The following CADM2 variants were observed in gnomAD, a reference collection of about 807,000 sequenced individuals.
The protein encoded by CADM2 is immunoglobulin superfamily member 4D.
A neutral mutation model predicts 49.8 loss-of-function variants in CADM2; 12 were observed. That is an observed-to-expected ratio of 0.24 (90% CI 0.15 to 0.39). The LOEUF is 0.39. Among genes scored for constraint, CADM2 ranks in the 10% least tolerant of loss-of-function variants. The probability of loss-of-function intolerance (pLI) is 1.00; values close to 1 mark genes in which losing one functional copy is unlikely to be tolerated. For missense variants in CADM2, 378 were observed against 492.3 expected, an observed-to-expected ratio of 0.77 and a Z score of 2.20; for synonymous variants, 214 against 175.4, an observed-to-expected ratio of 1.22 and a Z score of -1.74.
At chr3:86,007,943 C>A (rs1730990995) in intron 8 of CADM2, among the ~76,000 whole-genome samples, 1 of 151,910 alleles carries the variant, frequency 6.6e-6, no homozygotes, top group Non-Finnish European at 1.5e-5. Context: ...TAATCTCAAA[C>A]AGATCAAAAT....
chr3:85,319,156 A>T (rs996294183), intron 1 of CADM2, among the ~76,000 whole-genome samples: 3 of 152,222 alleles, frequency 2.0e-5, no homozygotes, highest in Non-Finnish European at 2.9e-5. Flanking sequence ...TAATAAATCA[A>T]TGCTAACTGT....
At chr3:85,676,841 G>C (rs1034144805) in intron 1 of CADM2, among the ~76,000 whole-genome samples, 1 of 151,840 alleles carries the variant, frequency 6.6e-6, no homozygotes, top group Non-Finnish European at 1.5e-5. Flanking sequence ...CACCACCATC[G>C]CCTCAACACA....
intron 1 of CADM2, among the ~76,000 whole-genome samples, chr3:85,055,769 G>A (rs2036057173): frequency 6.6e-6 from 1 of 151,978 alleles, no homozygotes; most frequent in Admixed American, 6.6e-5. Context: ...TAGCTGGAGT[G>A]AGACTCATGG....
intron 1 of CADM2, among the ~76,000 whole-genome samples, chr3:85,130,985 C>A (rs190317010): frequency 1.3e-5 from 2 of 152,178 alleles, no homozygotes; most frequent in African/African-American, 4.8e-5. Context: ...GAGTTCAAGA[C>A]CAGCCTGGCC....
At chr3:86,013,253 G>A in intron 8 of CADM2, 1 of 1,478,786 alleles carries the variant, frequency 6.8e-7, no homozygotes, top group Non-Finnish European at 9.4e-7. Context: ...GCAATGCTCA[G>A]AACCCCAGTG....
chr3:85,201,245 C>T (rs2041492954), intron 1 of CADM2, among the ~76,000 whole-genome samples: 1 of 152,024 alleles, frequency 6.6e-6, no homozygotes, highest in South Asian at 2.1e-4. Flanking sequence ...GAATATATCA[C>T]AAAAAAGCAT....
chr3:85,414,355 G>GA (rs1559827938), intron 1 of CADM2, among the ~76,000 whole-genome samples: 2 of 152,018 alleles, frequency 1.3e-5, no homozygotes, highest in African/African-American at 2.4e-5. Flanking sequence ...TCATAAGGAA[G>GA]AAAAAAATAA....
At chr3:85,145,976 A>T (rs1300928173) in intron 1 of CADM2, among the ~76,000 whole-genome samples, 1 of 152,204 alleles carries the variant, frequency 6.6e-6, no homozygotes, top group Non-Finnish European at 1.5e-5. Flanking sequence ...TTAAGGAGAG[A>T]CAATAAAGAC....
intron 1 of CADM2, among the ~76,000 whole-genome samples, chr3:85,285,866 A>G (rs1372221395): frequency 1.3e-5 from 2 of 151,986 alleles, no homozygotes; most frequent in African/African-American, 4.8e-5. Context: ...CTATGTAGTG[A>G]CTTGTATGAA....
chr3:85,642,409 T>C (rs1251326269), intron 1 of CADM2, among the ~76,000 whole-genome samples: 1 of 151,864 alleles, frequency 6.6e-6, no homozygotes, highest in Non-Finnish European at 1.5e-5. Flanking sequence ...AATAATACAA[T>C]GAAAAACTAA....
intron 1 of CADM2, among the ~76,000 whole-genome samples, chr3:85,580,681 G>T (rs575186169): frequency 2.9e-4 from 44 of 151,884 alleles, no homozygotes; most frequent in African/African-American, 9.7e-4. Context: ...CTGATAAATG[G>T]GAATTTGTCA....
chr3:85,494,831 G>A (rs2039821161), intron 1 of CADM2, among the ~76,000 whole-genome samples: 1 of 152,256 alleles, frequency 6.6e-6, no homozygotes, highest in Admixed American at 6.5e-5. Flanking sequence ...GGTGGCCCTA[G>A]GGAAAATGCA....
At chr3:85,407,417 C>A (rs116632450) in intron 1 of CADM2, among the ~76,000 whole-genome samples, 2,957 of 152,142 alleles carry the variant, frequency 0.019, 80 homozygotes, top group African/African-American at 0.066. Flanking sequence ...TACCTCGTTT[C>A]TTTTCTCTCA....
At chr3:86,017,593 GT>G (rs1732449279) in intron 8 of CADM2, among the ~76,000 whole-genome samples, 2 of 151,816 alleles carry the variant, frequency 1.3e-5, no homozygotes, top group Non-Finnish European at 2.9e-5. Context: ...GCCGGGCACA[GT>G]AGCATACACG....
At chr3:85,431,699 G>T (rs2036673212) in intron 1 of CADM2, among the ~76,000 whole-genome samples, 1 of 150,996 alleles carries the variant, frequency 6.6e-6, no homozygotes, top group African/African-American at 2.4e-5. Flanking sequence ...ATCCCTAAGT[G>T]CAGGAAGTTA....
rs143376302 is a variant in CADM2, at chr3:85,211,394, A to T, written c.61+251726A>T. On this transcript the variant is annotated intron_variant, in intron 1 of 9. Coordinates refer to ENST00000383699, the MANE Select transcript of CADM2 (RefSeq NM_001167675.2). Reference sequence around the variant, plus strand: ...TTAAGATGTATCATTAGGTTATTTGAAGTTTTTCTATTTTTTTATGTAGGC... The same window carrying T: ...TTAAGATGTATCATTAGGTTATTTGTAGTTTTTCTATTTTTTTATGTAGGC... Among the ~76,000 whole-genome samples the T allele has an allele frequency of 1.2e-3, 185 of 151,624 alleles. 11 individuals carry two copies. In the East Asian group the frequency reaches 0.035, roughly 29 times the overall value.
intron 5 of CADM2, among the ~76,000 whole-genome samples, chr3:85,898,309 AAT>A (rs1715552040): frequency 6.6e-6 from 1 of 152,108 alleles, no homozygotes; most frequent in African/African-American, 2.4e-5. Flanking sequence ...GACAAAAATC[AAT>A]ATATAGATAT....
intron 8 of CADM2, among the ~76,000 whole-genome samples, chr3:86,039,897 C>A (rs936090648): frequency 4.6e-5 from 7 of 152,154 alleles, no homozygotes; most frequent in African/African-American, 1.7e-4. Flanking sequence ...TCCAGAGGAA[C>A]GATCAGGCAG....
At position 85,551,629 on chromosome 3, in the gene CADM2, C is replaced by G. The variant is rs570125712; in HGVS notation, c.62-174893C>G. Among the ~76,000 whole-genome samples the G allele has an allele frequency of 3.0e-4, 45 of 152,228 alleles. 1 individual carries two copies. The highest frequency in any genetic ancestry group is 1.1e-3 in the African/African-American group (44 of 41,546). On this transcript the variant is annotated intron_variant, in intron 1 of 9. Transcript: ENST00000383699. ...GTCTACTTAAAGAAACTGTTTCATT[C>G]TTTTGTTAAAATATATGTACAGAAC... is the stretch of plus-strand genomic sequence containing the variant.
Sources: gnomAD v4.1 joint callset for allele counts (sites outside exome capture counted in the v4.1 genomes callset) on GRCh38, gnomAD v4.1.1 for gene constraint, MANE v1.5 for transcripts, NCBI Gene and HGNC (gene_info 2026-07-23, HGNC 2026-07-21) for gene names.